Variants in EPRS1 observed in about 807,000 individuals in gnomAD.
EPRS1 encodes glutamyl-prolyl-tRNA synthetase 1.
In EPRS1, 107 loss-of-function variants were observed where a neutral mutation model predicts 188.3. That is an observed-to-expected ratio of 0.57 (90% CI 0.49 to 0.67). The LOEUF is 0.67. Among genes scored for constraint, EPRS1 ranks in the 30% least tolerant of loss-of-function variants. EPRS1 has a pLI of 0.00. For missense variants in EPRS1, 1,577 were observed against 1,802.2 expected (o/e 0.88, Z 2.26); for synonymous variants, 596 against 593.1 (o/e 1.00, Z -0.07).
intron 22 of EPRS1, 95 bp from the exon 23 acceptor site, chr1:219,982,939 C>T: frequency 8.6e-7 from 1 of 1,157,032 alleles, no homozygotes; most frequent in South Asian, 1.3e-5. Context: ...TTAATTTTTG[C>T]TATATCAATT....
At chr1:219,987,092 T>A in intron 20 of EPRS1, 50 bp downstream of exon 20, 1 of 1,564,036 alleles carries the variant, frequency 6.4e-7, no homozygotes, top group African/African-American at 1.4e-5. Flanking sequence ...CTATTAAGAA[T>A]TGAATTAATT....
intron 1 of EPRS1, among the ~76,000 whole-genome samples, chr1:220,042,486 CAA>C (rs755731080): frequency 7.1e-5 from 8 of 113,382 alleles, no homozygotes; most frequent in Admixed American, 9.1e-5. Flanking sequence ...CCCCATCTCC[CAA>C]AAAAAAAAAA....
At chr1:220,019,450 T>C (rs1661817112) in intron 10 of EPRS1, among the ~76,000 whole-genome samples, 1 of 152,352 alleles carries the variant, frequency 6.6e-6, no homozygotes, top group South Asian at 2.1e-4. Flanking sequence ...GATGGTATCC[T>C]GTCATTCACA....
rs1007686904 is a variant in EPRS1 at position 219,997,075 on chromosome 1, A to G, written c.2449T>C (p.Ser817Pro). The change falls in exon 18 of 32, where the codon TCA becomes CCA. Residue 817 changes from serine to proline, a missense_variant. Physicochemically the swap from Ser to Pro is moderately conservative, Grantham distance 74. Coordinates refer to ENST00000366923, the MANE Select transcript of EPRS1 (RefSeq NM_004446.3). ...GATTTACTTTCCAGAATACTTGCTG[A>G]GGAATTAGAAGAAATATTCTGTCCT... ...EIGQNISSNSSASILESKSLY... is the reference protein window; with the variant it reads ...EIGQNISSNSPASILESKSLY... 1 of 1,613,910 alleles carries G rather than the reference A, an allele frequency of 6.2e-7. No homozygotes were observed. The highest frequency in any genetic ancestry group is 1.3e-5 in the African/African-American group (1 of 74,918).
At chr1:220,013,805 T>C (rs1454780783) in intron 12 of EPRS1, among the ~76,000 whole-genome samples, 1 of 152,076 alleles carries the variant, frequency 6.6e-6, no homozygotes, top group Non-Finnish European at 1.5e-5. Context: ...AGGCCAGCAA[T>C]AGAAACAAAA....
Position 220,019,091 on chromosome 1 carries a change from T to A in EPRS1, c.1350-12A>T. 6.3e-7 allele frequency: 1 copy of A among 1,582,406 alleles called. No individual in the cohort carries two copies. The highest frequency in any genetic ancestry group is 8.7e-7 in the Non-Finnish European group (1 of 1,151,606). ...ATCTTGGGTCATCCCTGGAAATATG[T>A]AAATTTTAAGTACCAAGGAAATTTT... On this transcript the variant is annotated splice_polypyrimidine_tract_variant and intron_variant, in intron 10 of 31. Transcript: ENST00000366923.
chr1:219,982,752 A>AC lies in EPRS1; in HGVS notation c.3373+19dup. 1 of 1,607,214 alleles carries AC rather than the reference A, an allele frequency of 6.2e-7. No homozygotes were observed. The highest frequency in any genetic ancestry group is 1.1e-5 in the South Asian group (1 of 90,822). On this transcript the variant is annotated intron_variant, in intron 23 of 31. Coordinates refer to ENST00000366923, the MANE Select transcript of EPRS1 (RefSeq NM_004446.3). ...TAACGTTCAGTGAGCATTCTCTTGC[A>AC]CTCCAATGCCTATTCTCACCTGTTT...
intron 17 of EPRS1, among the ~76,000 whole-genome samples, chr1:219,998,958 T>C (rs1666784877): frequency 6.6e-6 from 1 of 150,998 alleles, no homozygotes; most frequent in Non-Finnish European, 1.5e-5. Flanking sequence ...TTGTGTGTGA[T>C]TTTTTCCCTG....
rs1197550712 is a variant in EPRS1 at position 220,024,423 on chromosome 1, T to C, written c.784A>G (p.Lys262Glu). ...GAAGTATAAGTAAATTGATCTGGTT[T>C]GATATGCAACATTGCAACATCTTCC... ...ILEDVAMLHI[K>E]PDQFTYTSDH... The change falls in exon 8 of 32, where the codon AAA becomes GAA. Residue 262 changes from lysine to glutamate, a missense_variant. Physicochemically the swap from Lys to Glu is moderately conservative, Grantham distance 56 (BLOSUM62 1). Transcript: ENST00000366923. 6.2e-7 allele frequency: 1 copy of C among 1,607,260 alleles called. No individual in the cohort carries two copies. Among genetic ancestry groups the C allele is most frequent in the South Asian group, 1.1e-5 (1 of 89,238 alleles).
intron 17 of EPRS1, among the ~76,000 whole-genome samples, chr1:220,000,305 T>C (rs2102576264): frequency 1.3e-5 from 2 of 152,326 alleles, no homozygotes; most frequent in Middle Eastern, 6.8e-3. Context: ...GAATAATATA[T>C]AGTAGCAATT....
At chr1:220,026,165 A>C (rs563265181) in intron 6 of EPRS1, among the ~76,000 whole-genome samples, 2 of 152,312 alleles carry the variant, frequency 1.3e-5, no homozygotes, top group South Asian at 2.1e-4. Context: ...GTTTTGTTAT[A>C]TAGGTAAACT....
In EPRS1 at chr1:220,034,956, A is replaced by G. The variant is rs368840035; in HGVS notation, c.189T>C (p.Thr63=). The G allele has an allele frequency of 1.6e-5, 25 of 1,604,810 alleles. No individual in the cohort carries two copies. Among genetic ancestry groups the G allele is most frequent in the Non-Finnish European group, 2.1e-5 (25 of 1,174,196 alleles). The stretch of plus-strand genomic sequence containing the variant: ...GATTAGAGCCATATAACCCAGCTGT[A>G]GTTGCAACTCTAGCCAAGTAGCGAA... ...SILRYLARVA[T]TAGLYGSNLM... is the part of the protein sequence containing the mutation. The change falls in exon 3 of 32, where the codon ACT becomes ACC. Residue 63 remains threonine (T), a synonymous_variant. Coordinates refer to ENST00000366923, the MANE Select transcript of EPRS1 (RefSeq NM_004446.3).
At position 219,978,664 on chromosome 1, in the gene EPRS1, G is replaced by A. The variant is rs562342142; in HGVS notation, c.3965C>T (p.Ala1322Val). ...ATAATCATTGCATTTTGCAATCAGCGCTTCTTTGTCTTCTTCAGAAAGTGC... is the reference window on the plus strand; with the variant it reads ...ATAATCATTGCATTTTGCAATCAGCACTTCTTTGTCTTCTTCAGAAAGTGC... ...TNALSEEDKE[A>V]LIAKCNDYRR... Residue 1322 changes from alanine to valine, a missense_variant, in exon 28 of 32, where the codon GCG becomes GTG. Ala to Val is a moderately conservative substitution (Grantham distance 64). Coordinates refer to ENST00000366923, the MANE Select transcript of EPRS1 (RefSeq NM_004446.3). The A allele has an allele frequency of 1.9e-5, 31 of 1,611,956 alleles. No homozygotes were observed. In the South Asian group the frequency reaches 2.1e-4, roughly 11 times the overall value.
At chr1:220,010,893 C>T (rs1661591694) in intron 13 of EPRS1, 53 bp downstream of exon 13, 1 of 1,020,702 alleles carries the variant, frequency 9.8e-7, no homozygotes, top group Non-Finnish European at 1.5e-6. Flanking sequence ...CTTTTTATTT[C>T]CTGCTCCTTC....
intron 12 of EPRS1, among the ~76,000 whole-genome samples, chr1:220,015,967 CT>C (rs1661701481): frequency 6.6e-6 from 1 of 151,856 alleles, no homozygotes; most frequent in South Asian, 2.1e-4. Flanking sequence ...ACAGAAGGCT[CT>C]GGCAAATGTC....
intron 1 of EPRS1, among the ~76,000 whole-genome samples, chr1:220,041,793 T>C (rs927326560): frequency 9.9e-5 from 15 of 151,428 alleles, no homozygotes; most frequent in African/African-American, 3.4e-4. Context: ...CAAGCCAAGA[T>C]TGCACTATTG....
chr1:219,981,145 G>T (rs1694600), intron 24 of EPRS1, among the ~76,000 whole-genome samples: 2 of 151,960 alleles, frequency 1.3e-5, no homozygotes, highest in African/African-American at 2.4e-5. Context: ...GTGATCTGTC[G>T]GCTCGACCTC....
chr1:220,045,377 G>A (rs1318907918), intron 1 of EPRS1, among the ~76,000 whole-genome samples: 1 of 151,996 alleles, frequency 6.6e-6, no homozygotes, highest in East Asian at 1.9e-4. Flanking sequence ...GGTGGCACGC[G>A]CCTGTAGTCC....
chr1:220,038,167 C>T (rs1022977487), intron 2 of EPRS1, among the ~76,000 whole-genome samples: 1 of 150,362 alleles, frequency 6.7e-6, no homozygotes, highest in African/African-American at 2.4e-5. Context: ...ACTGCAACCT[C>T]CACCTCCCGG....
Sources: gnomAD v4.1 joint callset for allele counts (sites outside exome capture counted in the v4.1 genomes callset) on GRCh38, gnomAD v4.1.1 for gene constraint, MANE v1.5 for transcripts, NCBI Gene and HGNC (gene_info 2026-07-23, HGNC 2026-07-21) for gene names.